ZNF718: variants seen among roughly 807,000 people sequenced by gnomAD.
ZNF718 encodes the protein zinc finger protein 718.
In ZNF718, 3 loss-of-function variants were observed where a neutral mutation model predicts 2.6. That is an observed-to-expected ratio of 1.16 (90% CI 0.53 to 3.01). ZNF718 has a LOEUF of 3.01. Ranked by LOEUF, ZNF718 falls within the 30% of genes most tolerant of loss-of-function variation. The pLI, the probability that ZNF718 is intolerant of heterozygous loss-of-function variation, is 0.03. For missense variants in ZNF718, 468 were observed against 230.0 expected, an observed-to-expected ratio of 2.03 and a Z score of -6.69; for synonymous variants, 135 against 77.9, an observed-to-expected ratio of 1.73 and a Z score of -3.86.
At chr4:167,043 G>A (rs1717105449), downstream of ZNF718, among the ~76,000 whole-genome samples, 1 of 152,120 alleles carries the variant, frequency 6.6e-6, no homozygotes, top group Admixed American at 6.6e-5. Flanking sequence ...TGTAAGGAAG[G>A]GATCCAGTTT....
intron 3 of ZNF718, among the ~76,000 whole-genome samples, chr4:179,873 T>C (rs1717429431): frequency 6.6e-6 from 1 of 152,202 alleles, no homozygotes; most frequent in Admixed American, 6.5e-5. Context: ...TATTTTCTAA[T>C]GTTTGGCATT....
Position 133,195 on chromosome 4 carries a change from AATATATATAT to A in ZNF718, c.226+1715_226+1724del, listed in dbSNP as rs1164522262. On this transcript the variant is annotated intron_variant, in intron 3 of 3. Transcript: ENST00000510175. Reference sequence around the variant, plus strand: ...TCCATCTTAAAAAAAAAAAAAAAAAAATATATATATATATATATATATATATATATATATG... The same window carrying A: ...TCCATCTTAAAAAAAAAAAAAAAAAAATATATATATATATATATATATATG... Among the ~76,000 whole-genome samples, 190 of 20,772 alleles carry A rather than the reference AATATATATAT, an allele frequency of 9.1e-3. 45 individuals carry two copies. The highest frequency in any genetic ancestry group is 0.024 in the South Asian group (11 of 464). The allele number at this position is 20,772 out of a possible 152,430, so 13.6% of individuals were successfully genotyped here. A position where few individuals can be genotyped will look rare whatever the true frequency, so the allele number is the denominator to read the frequency against.
chr4:143,353 A>C (rs1468276776), intron 3 of ZNF718, among the ~76,000 whole-genome samples: 13 of 152,056 alleles, frequency 8.5e-5, no homozygotes, highest in Non-Finnish European at 1.6e-4. Flanking sequence ...ACGCCTGGCT[A>C]ATTTTTCTAT....
In ZNF718 at chr4:161,676, A is replaced by G; in HGVS notation, c.991A>G (p.Arg331Gly). ...ATCCTCAGACTTTGCTAAACATAAG[A>G]GAATTCATACAGGAGAGAAACCCTA... ...TTSSDFAKHK[R>G]IHTGEKPYKC... Residue 331 changes from arginine to glycine, a missense_variant, in exon 4 of 4, where the codon AGA becomes GGA. Arg to Gly is a moderately radical substitution (Grantham distance 125). Transcript: ENST00000510175. 1 of 779,590 alleles carries G rather than the reference A, an allele frequency of 1.3e-6. No homozygotes were observed. Among genetic ancestry groups the G allele is most frequent in the Non-Finnish European group, 2.4e-6 (1 of 417,268 alleles). The allele number at this position is 779,590 out of a possible 1,614,324, so 48.3% of individuals were successfully genotyped here.
At chr4:143,895 G>A (rs782324928) in intron 3 of ZNF718, among the ~76,000 whole-genome samples, 1 of 152,010 alleles carries the variant, frequency 6.6e-6, no homozygotes, top group Non-Finnish European at 1.5e-5. Context: ...AGCAGTTACA[G>A]AAAGAAAAAG....
At chr4:137,354 T>C (rs1715616373) in intron 3 of ZNF718, among the ~76,000 whole-genome samples, 2 of 152,230 alleles carry the variant, frequency 1.3e-5, no homozygotes. Context: ...AGATATACTT[T>C]GCATATTTTG....
rs781956027 is a variant in ZNF718, at chr4:160,963, A to G, written c.278A>G (p.Asp93Gly). The part of the protein sequence containing the change: ...QNLWTVQGIE[D>G]SFHKLIPKGH... ...CTTTGGACAGTGCAGGGCATAGAAGATTCATTCCACAAACTTATACCAAAA... is the reference window on the plus strand; with the variant it reads ...CTTTGGACAGTGCAGGGCATAGAAGGTTCATTCCACAAACTTATACCAAAA... Residue 93 changes from aspartate (D) to glycine (G), a missense_variant, in exon 4 of 4, where the codon GAT becomes GGT. Coordinates refer to ENST00000510175, the MANE Select transcript of ZNF718 (RefSeq NM_001039127.6). 1.3e-6 allele frequency: 1 copy of G among 780,890 alleles called. No homozygotes were observed. The highest frequency in any genetic ancestry group is 1.3e-5 in the South Asian group (1 of 74,606). 48.4% of individuals were successfully genotyped at this position (780,890 alleles called of 1,614,324 possible). A position where few individuals can be genotyped will look rare whatever the true frequency, so the allele number is the denominator to read the frequency against.
chr4:175,815 AGTG>A (rs1390269942), intron 3 of ZNF718, among the ~76,000 whole-genome samples: 1 of 149,090 alleles, frequency 6.7e-6, no homozygotes, highest in Non-Finnish European at 1.5e-5. Context: ...TAATCTGAAT[AGTG>A]GTCTCTATCT....
Position 163,603 on chromosome 4 carries a change from G to A in ZNF718, c.*1481G>A, listed in dbSNP as rs1344370259. ...GAGTAATATTCTTCTGCATTATAGT[G>A]AGAGAAAAATCTTGAATTTTAGTAA... On this transcript the variant is annotated 3_prime_UTR_variant, in exon 4 of 4. Transcript: ENST00000510175. 1 of 151,936 alleles carries A rather than the reference G, an allele frequency of 6.6e-6. No homozygotes were observed. The highest frequency in any genetic ancestry group is 1.5e-5 in the Non-Finnish European group (1 of 67,892). The allele number at this position is 151,936 out of a possible 1,614,324, so 9.4% of individuals were successfully genotyped here.
chr4:164,864 A>T (rs995662216), downstream of ZNF718, among the ~76,000 whole-genome samples: 3 of 152,176 alleles, frequency 2.0e-5, no homozygotes, highest in African/African-American at 7.2e-5. Flanking sequence ...TAAGAAAGTG[A>T]TAGGTGTGTA....
chr4:158,645 A>G (rs1716684156), intron 3 of ZNF718, among the ~76,000 whole-genome samples: 1 of 151,894 alleles, frequency 6.6e-6, no homozygotes, highest in African/African-American at 2.4e-5. Flanking sequence ...TCTGCCCTCA[A>G]CTTTATTATT....
At chr4:146,013 CT>C (rs1193705538) in intron 3 of ZNF718, among the ~76,000 whole-genome samples, 2 of 149,880 alleles carry the variant, frequency 1.3e-5, no homozygotes, top group Non-Finnish European at 3.0e-5. Flanking sequence ...TGTTTTAATG[CT>C]TTTTTTGTAA....
chr4:153,970 C>G (rs1418716862), intron 3 of ZNF718, among the ~76,000 whole-genome samples: 1 of 152,174 alleles, frequency 6.6e-6, no homozygotes, highest in Admixed American at 6.5e-5. Flanking sequence ...CCACCCAAAT[C>G]TCATCTTGAA....
chr4:159,744 C>T (rs868929991), intron 3 of ZNF718, among the ~76,000 whole-genome samples: 3 of 152,008 alleles, frequency 2.0e-5, no homozygotes, highest in Non-Finnish European at 4.4e-5. Context: ...TCAGGTTAAA[C>T]TTTTAAATTT....
chr4:182,532 T>A (rs1553819989), intron 3 of ZNF718, among the ~76,000 whole-genome samples: 1 of 152,020 alleles, frequency 6.6e-6, no homozygotes. Context: ...CGCCTGGGTA[T>A]AAGCGATTCT....
At chr4:151,943 AG>A (rs1310090695) in intron 3 of ZNF718, among the ~76,000 whole-genome samples, 3 of 150,742 alleles carry the variant, frequency 2.0e-5, no homozygotes, top group Non-Finnish European at 4.4e-5. Flanking sequence ...TTTCTCAAAG[AG>A]GGGGATGTGT....
intron 3 of ZNF718, among the ~76,000 whole-genome samples, chr4:160,207 C>T (rs1553814593): frequency 2.0e-5 from 3 of 152,166 alleles, no homozygotes; most frequent in Admixed American, 6.5e-5. Context: ...AGTAGGAATG[C>T]GTGTGTCACT....
chr4:175,165 C>T (rs929685294), intron 3 of ZNF718, among the ~76,000 whole-genome samples: 17 of 152,212 alleles, frequency 1.1e-4, no homozygotes, highest in African/African-American at 3.6e-4. Context: ...AGAGGCCATC[C>T]GGAGTTTGCC....
intron 3 of ZNF718, among the ~76,000 whole-genome samples, chr4:176,635 C>CA (rs1553819119): frequency 4.5e-4 from 69 of 152,278 alleles, no homozygotes; most frequent in African/African-American, 1.6e-3. Flanking sequence ...AAAATGATGC[C>CA]ACTGAATTCT....
Sources: gnomAD v4.1 joint callset for allele counts (sites outside exome capture counted in the v4.1 genomes callset) on GRCh38, gnomAD v4.1.1 for gene constraint, MANE v1.5 for transcripts, NCBI Gene and HGNC (gene_info 2026-07-23, HGNC 2026-07-21) for gene names.